The following ANKRD6 variants were observed in gnomAD, a reference collection of about 807,000 sequenced individuals.
The protein encoded by ANKRD6 is ankyrin repeat domain 6, also known as ankyrin repeat domain-containing protein 6.
A neutral mutation model predicts 82.3 loss-of-function variants in ANKRD6; 56 were observed. The observed-to-expected ratio is 0.68, with a 90% CI of 0.55 to 0.85. The LOEUF is 0.85. Among genes scored for constraint, ANKRD6 ranks in the 40% least tolerant of loss-of-function variants. ANKRD6 has a pLI of 0.00. For synonymous variants in ANKRD6, 347 were observed against 352.1 expected (o/e 0.99, Z 0.16); for missense variants, 852 against 907.6 (o/e 0.94, Z 0.79).
chr6:89,537,947 C>A lies in ANKRD6; in HGVS notation c.-143-28887C>A, dbSNP rs1784047335. ...AGTATTATATAATGGACTTTACATG[C>A]CAATCCCTCCCAAGTTACTTTGTGG... On this transcript the variant is annotated intron_variant, in intron 1 of 15. Transcript: ENST00000339746. Among the ~76,000 whole-genome samples the A allele has an allele frequency of 2.0e-5, 3 of 151,606 alleles. No individual in the cohort carries two copies. In the East Asian group the frequency reaches 5.8e-4, roughly 29 times the overall value.
At chr6:89,455,127 A>G (rs1773345312) in intron 1 of ANKRD6, among the ~76,000 whole-genome samples, 1 of 149,628 alleles carries the variant, frequency 6.7e-6, no homozygotes, top group Non-Finnish European at 1.5e-5. Context: ...TACAGGTGTG[A>G]GCCACCACAC....
At position 89,629,181 on chromosome 6, in the gene ANKRD6, G is replaced by A; in HGVS notation, c.1555G>A (p.Gly519Arg). The stretch of plus-strand genomic sequence containing the variant: ...TCAGAATCTGGAGCAGAAGCTTTCT[G>A]GAGATTCTAGGGCCTGCAGAGCTAA... ...KIQNLEQKLS[G>R]DSRACRAKST... The change falls in exon 15 of 16, where the codon GGA (glycine) becomes AGA (arginine). Residue 519 changes from glycine to arginine, a missense_variant. Physicochemically the swap from Gly to Arg is moderately radical, Grantham distance 125. Transcript: ENST00000339746. The A allele has an allele frequency of 1.2e-6, 2 of 1,613,746 alleles. No individual in the cohort carries two copies. Among genetic ancestry groups the A allele is most frequent in the Non-Finnish European group, 1.7e-6 (2 of 1,179,826 alleles).
In ANKRD6 at chr6:89,606,283, T is replaced by C. The variant is rs533581406; in HGVS notation, c.417+178T>C. Among the ~76,000 whole-genome samples, 14 of 152,332 alleles carry C rather than the reference T, an allele frequency of 9.2e-5. No homozygotes were observed. The East Asian group carries it at 1.9e-3, about 21-fold the overall frequency. On this transcript the variant is annotated intron_variant, in intron 5 of 15. Transcript: ENST00000339746. Reference sequence around the variant, plus strand: ...AGAAAAGGCTAGAAGCTGATTGATATTCCAGGTCAGGAGCAAGTGCACCAA... The same window carrying C: ...AGAAAAGGCTAGAAGCTGATTGATACTCCAGGTCAGGAGCAAGTGCACCAA...
intron 1 of ANKRD6, among the ~76,000 whole-genome samples, chr6:89,467,181 TA>T (rs1156971474): frequency 1.6e-3 from 222 of 142,464 alleles, no homozygotes; most frequent in East Asian, 2.2e-3. Context: ...GTCTCCTAAT[TA>T]AAAAAAAAAA....
intron 1 of ANKRD6, among the ~76,000 whole-genome samples, chr6:89,437,748 A>G (rs1334019800): frequency 6.6e-6 from 1 of 152,234 alleles, no homozygotes; most frequent in African/African-American, 2.4e-5. Flanking sequence ...GTTAAATATC[A>G]GAATTTACTT....
At chr6:89,479,300 CG>C (rs1466297635) in intron 1 of ANKRD6, among the ~76,000 whole-genome samples, 7 of 152,132 alleles carry the variant, frequency 4.6e-5, no homozygotes, top group Non-Finnish European at 4.4e-5. Flanking sequence ...AGGATGTTTC[CG>C]GTTATTCATT....
At chr6:89,496,187 C>T (rs533095442) in intron 1 of ANKRD6, among the ~76,000 whole-genome samples, 24 of 151,386 alleles carry the variant, frequency 1.6e-4, no homozygotes, top group Admixed American at 4.6e-4. Flanking sequence ...CCCCCCCCCC[C>T]ACCATAATTA....
intron 1 of ANKRD6, among the ~76,000 whole-genome samples, chr6:89,435,459 A>G (rs954852516): frequency 2.6e-5 from 4 of 152,226 alleles, no homozygotes; most frequent in Admixed American, 2.6e-4. Flanking sequence ...AAGCATTTCC[A>G]CAATAACCTG....
At position 89,606,112 on chromosome 6, in the gene ANKRD6, C is replaced by G; in HGVS notation, c.417+7C>G. On this transcript the variant is annotated splice_region_variant and intron_variant, in intron 5 of 15. Coordinates refer to ENST00000339746, the MANE Select transcript of ANKRD6 (RefSeq NM_001242809.2). ...CGTGCTTGCCAAGAACAAGGTGAGGCCTGGCAGATGCTAGAATGCCTCATT... is the reference window on the plus strand; with the variant it reads ...CGTGCTTGCCAAGAACAAGGTGAGGGCTGGCAGATGCTAGAATGCCTCATT... 1.2e-5 allele frequency: 19 copies of G among 1,550,168 alleles called. No homozygotes were observed. Among genetic ancestry groups the G allele is most frequent in the Non-Finnish European group, 1.7e-5 (19 of 1,143,992 alleles).
chr6:89,455,692 C>T (rs982098957), intron 1 of ANKRD6, among the ~76,000 whole-genome samples: 1 of 152,134 alleles, frequency 6.6e-6, no homozygotes, highest in Non-Finnish European at 1.5e-5. Context: ...CCCCCTCTCT[C>T]TTCCTCCTGC....
At chr6:89,567,119 T>A in intron 2 of ANKRD6, 23 bp downstream of exon 2, 3 of 1,565,432 alleles carry the variant, frequency 1.9e-6, no homozygotes, top group Non-Finnish European at 2.6e-6. Context: ...AAATACGCTG[T>A]AGCCATTCCC....
chr6:89,542,815 A>G (rs891339295), intron 1 of ANKRD6, among the ~76,000 whole-genome samples: 8 of 152,210 alleles, frequency 5.3e-5, no homozygotes, highest in African/African-American at 1.7e-4. Flanking sequence ...TTCACTCCAC[A>G]ATCTACTCAT....
chr6:89,574,820 G>C (rs779672419), intron 2 of ANKRD6, among the ~76,000 whole-genome samples: 1 of 152,164 alleles, frequency 6.6e-6, no homozygotes, highest in Non-Finnish European at 1.5e-5. Context: ...GAGGCAAGGA[G>C]GAAAGTTCCC....
intron 4 of ANKRD6, 144 bp downstream of exon 4, chr6:89,603,271 T>C (rs1414462283): frequency 1.1e-5 from 7 of 626,574 alleles, no homozygotes; most frequent in Non-Finnish European, 1.9e-5. Context: ...CATGATTAAA[T>C]CAGCCTAAAA....
chr6:89,536,195 A>G (rs1257044284), intron 1 of ANKRD6, among the ~76,000 whole-genome samples: 1 of 152,196 alleles, frequency 6.6e-6, no homozygotes, highest in Non-Finnish European at 1.5e-5. Context: ...GCACCAATGC[A>G]CTCCAGCCTG....
chr6:89,606,517 C>T (rs1798666660), intron 5 of ANKRD6, among the ~76,000 whole-genome samples: 1 of 152,086 alleles, frequency 6.6e-6, no homozygotes, highest in Non-Finnish European at 1.5e-5. Context: ...TACGAATAGC[C>T]ACCTTTGGGA....
chr6:89,561,914 C>T (rs1787482817), intron 1 of ANKRD6, among the ~76,000 whole-genome samples: 1 of 152,186 alleles, frequency 6.6e-6, no homozygotes. Context: ...CAGTCCATTC[C>T]ATTGCCCCAT....
chr6:89,578,290 T>C (rs1280661171), intron 2 of ANKRD6, among the ~76,000 whole-genome samples: 8 of 7,122 alleles, frequency 1.1e-3, no homozygotes, highest in African/African-American at 2.3e-3. Context: ...CGCCTCCTTT[T>C]TTTTTTTTTT....
intron 2 of ANKRD6, among the ~76,000 whole-genome samples, chr6:89,591,979 T>C (rs1310352475): frequency 6.6e-6 from 1 of 152,200 alleles, no homozygotes. Flanking sequence ...GCCTGAGTGC[T>C]GTGCGAGGCC....
Sources: allele counts gnomAD v4.1 joint callset (sites outside exome capture counted in the v4.1 genomes callset), GRCh38; gene constraint gnomAD v4.1.1; transcripts MANE v1.5; gene names NCBI Gene and HGNC (gene_info 2026-07-23, HGNC 2026-07-21).